Variants in NUDT4 observed in about 807,000 individuals in gnomAD.
The protein encoded by NUDT4 is nudix hydrolase 4.
In NUDT4, 5 loss-of-function variants were observed where a neutral mutation model predicts 23.1. The ratio of observed to expected loss-of-function variants is 0.22; its 90% CI spans 0.11 to 0.46. The LOEUF (loss-of-function observed/expected upper bound fraction) is 0.46. Among genes scored for constraint, NUDT4 ranks in the 20% least tolerant of loss-of-function variants. The probability of loss-of-function intolerance (pLI) is 0.99; values close to 1 mark genes in which losing one functional copy is unlikely to be tolerated. For missense variants in NUDT4, 96 were observed against 211.6 expected, an observed-to-expected ratio of 0.45 and a Z score of 3.39; for synonymous variants, 50 against 79.0, an observed-to-expected ratio of 0.63 and a Z score of 1.95.
rs543720617 is a variant in NUDT4 at position 93,378,424 on chromosome 12, AGGGCGCCCGGCGCCGCACGCTGCCCTCCG to A, written c.99+11_99+39del. The stretch of plus-strand genomic sequence containing the variant: ...TCCGGAGCGAGCAGGAGGACGAGGT[AGGGCGCCCGGCGCCGCACGCTGCCCTCCG>A]GGGCGCCGGGGTCTAGGGCCCGGGT... On this transcript the variant is annotated splice_donor_5th_base_variant and intron_variant, in intron 1 of 4. Transcript: ENST00000415493. The A allele has an allele frequency of 4.9e-5, 76 of 1,551,246 alleles. No homozygotes were observed. The South Asian group carries it at 8.5e-4, about 17-fold the overall frequency.
Position 93,394,942 on chromosome 12 carries a change from A to G in NUDT4, c.210+223A>G, listed in dbSNP as rs539100391. Among the ~76,000 whole-genome samples the G allele has an allele frequency of 5.9e-5, 9 of 151,998 alleles. No individual in the cohort carries two copies. The South Asian group carries it at 1.0e-3, about 18-fold the overall frequency. On this transcript the variant is annotated intron_variant, in intron 2 of 4. Coordinates refer to ENST00000415493, the MANE Select transcript of NUDT4 (RefSeq NM_019094.6). ...TGGCTCACTGCCACCTCCGCCTCCC[A>G]GGTTCAAGTGATTCTCCAGCTTCAG...
chr12:93,379,963 G>C (rs902954302), intron 1 of NUDT4, among the ~76,000 whole-genome samples: 1 of 152,180 alleles, frequency 6.6e-6, no homozygotes, highest in African/African-American at 2.4e-5. Flanking sequence ...TGTGCCAGGC[G>C]CTGCCAGAAG....
intron 1 of NUDT4, among the ~76,000 whole-genome samples, chr12:93,393,346 G>C (rs569977679): frequency 1.3e-5 from 2 of 151,354 alleles, no homozygotes; most frequent in South Asian, 4.2e-4. Flanking sequence ...TCAGGTGATC[G>C]CCCACCTCGG....
At chr12:93,382,273 AAAAAAAAACAAC>A (rs1256127730) in intron 1 of NUDT4, among the ~76,000 whole-genome samples, 3 of 151,796 alleles carry the variant, frequency 2.0e-5, no homozygotes, top group African/African-American at 7.3e-5. Context: ...GCAAAAAAAA[AAAAAAAAACAAC>A]AAAAAAAACC....
At chr12:93,390,800 T>G (rs893390930) in intron 1 of NUDT4, among the ~76,000 whole-genome samples, 2 of 152,126 alleles carry the variant, frequency 1.3e-5, no homozygotes, top group Non-Finnish European at 2.9e-5. Context: ...AGAGGGAGTT[T>G]TGCTGTGTTG....
In NUDT4 at chr12:93,377,930, C is replaced by G. The variant is rs1352793902; in HGVS notation, c.-393C>G. 3.2e-6 allele frequency: 1 copy of G among 313,232 alleles called. No homozygotes were observed. The highest frequency in any genetic ancestry group is 4.2e-5 in the Admixed American group (1 of 24,042). The allele number at this position is 313,232 out of a possible 1,614,324, so 19.4% of individuals were successfully genotyped here. A position where few individuals can be genotyped will look rare whatever the true frequency, so the allele number is the denominator to read the frequency against. ...GAGCAGAGGGGGCGGCGCGCGGTCG[C>G]CGCGGTGCTGCTGCTCAGTGGGAGC... On this transcript the variant is annotated 5_prime_UTR_variant, in exon 1 of 5. Transcript: ENST00000415493.
intron 3 of NUDT4, among the ~76,000 whole-genome samples, chr12:93,396,998 C>T (rs1258577558): frequency 6.6e-6 from 1 of 152,186 alleles, no homozygotes; most frequent in Admixed American, 6.5e-5. Flanking sequence ...ACAAATAACA[C>T]ATTTGTCAAT....
chr12:93,387,775 G>A (rs992549765), intron 1 of NUDT4, among the ~76,000 whole-genome samples: 7 of 152,112 alleles, frequency 4.6e-5, no homozygotes, highest in African/African-American at 1.2e-4. Flanking sequence ...TTGGCCTTAA[G>A]TTAAAAGACT....
chr12:93,395,278 G>A (rs188342766), intron 2 of NUDT4, among the ~76,000 whole-genome samples: 1 of 152,274 alleles, frequency 6.6e-6, no homozygotes, highest in Non-Finnish European at 1.5e-5. Context: ...GAGCCACAGC[G>A]CCCAGCCAGA....
chr12:93,379,644 T>TA (rs902923879), intron 1 of NUDT4, among the ~76,000 whole-genome samples: 7 of 152,206 alleles, frequency 4.6e-5, no homozygotes, highest in Non-Finnish European at 1.0e-4. Context: ...TCATAACCTT[T>TA]ACGTATTAGA....
In NUDT4 at chr12:93,406,104, T is replaced by TA. The variant is rs1219631476; in HGVS notation, c.*6730dup. ...CAACATGGTGAAACCCCGTCTCTAC[T>TA]AAAAATACAAAAAATTAGCCAGGTG... On this transcript the variant is annotated 3_prime_UTR_variant, in exon 5 of 5. Transcript: ENST00000415493. 1 of 151,702 alleles carries TA rather than the reference T, an allele frequency of 6.6e-6. No individual in the cohort carries two copies. Among genetic ancestry groups the TA allele is most frequent in the African/African-American group, 2.4e-5 (1 of 41,294 alleles). The allele number at this position is 151,702 out of a possible 1,614,324, so 9.4% of individuals were successfully genotyped here.
chr12:93,397,291 C>T (rs1276372669), intron 3 of NUDT4, among the ~76,000 whole-genome samples: 1 of 151,972 alleles, frequency 6.6e-6, no homozygotes, highest in Non-Finnish European at 1.5e-5. Flanking sequence ...TGTTAATTGA[C>T]AGTTGCCTCT....
chr12:93,385,426 T>C (rs906959311), intron 1 of NUDT4, among the ~76,000 whole-genome samples: 2 of 152,234 alleles, frequency 1.3e-5, no homozygotes, highest in Non-Finnish European at 2.9e-5. Context: ...GAAGGTTGAA[T>C]GCATCTTCCT....
At chr12:93,383,813 CAG>C (rs1468314927) in intron 1 of NUDT4, among the ~76,000 whole-genome samples, 3 of 152,214 alleles carry the variant, frequency 2.0e-5, no homozygotes, top group African/African-American at 7.2e-5. Context: ...GCCTGGGCGA[CAG>C]AGCGAGACAG....
chr12:93,407,545 G>A lies in NUDT4; in HGVS notation c.*8166G>A, dbSNP rs1190562351. 6.6e-6 allele frequency: 1 copy of A among 152,258 alleles called. No individual in the cohort carries two copies. The highest frequency in any genetic ancestry group is 1.5e-5 in the Non-Finnish European group (1 of 68,068). 9.4% of individuals were successfully genotyped at this position (152,258 alleles called of 1,614,324 possible). A position where few individuals can be genotyped will look rare whatever the true frequency, so the allele number is the denominator to read the frequency against. On this transcript the variant is annotated 3_prime_UTR_variant, in exon 5 of 5. Coordinates refer to ENST00000415493, the MANE Select transcript of NUDT4 (RefSeq NM_019094.6). Reference sequence around the variant, plus strand: ...GGAGAGTAACTGGTGAGAAGACAATGACATGCTCTTAGGGTGTCTGCTACT... The same window carrying A: ...GGAGAGTAACTGGTGAGAAGACAATAACATGCTCTTAGGGTGTCTGCTACT...
In NUDT4 at chr12:93,383,684, T is replaced by C. The variant is rs564367643; in HGVS notation, c.99+5263T>C. Among the ~76,000 whole-genome samples the C allele has an allele frequency of 1.5e-3, 234 of 152,076 alleles. 1 individual carries two copies. The highest frequency in any genetic ancestry group is 2.6e-3 in the Non-Finnish European group (180 of 67,990). On this transcript the variant is annotated intron_variant, in intron 1 of 4. Transcript: ENST00000415493. ...TCGTCTCTACTAAAAATACAATAAT[T>C]AGCCAGGCGTGGTGGTGTGTGCCTG...
intron 1 of NUDT4, among the ~76,000 whole-genome samples, chr12:93,390,640 T>C (rs949283525): frequency 5.3e-5 from 8 of 152,184 alleles, no homozygotes; most frequent in African/African-American, 1.9e-4. Flanking sequence ...AGTCTCATTC[T>C]GTCGCCCAGG....
chr12:93,395,435 T>C, intron 2 of NUDT4, 54 bp from the exon 3 acceptor site: 4 of 1,255,668 alleles, frequency 3.2e-6, no homozygotes, highest in South Asian at 1.2e-5. Context: ...CTTGTATTTA[T>C]ATACATTTTG....
In NUDT4 at chr12:93,378,307, G is replaced by A. The variant is rs746336334; in HGVS notation, c.-16G>A. On this transcript the variant is annotated 5_prime_UTR_variant, in exon 1 of 5. Coordinates refer to ENST00000415493, the MANE Select transcript of NUDT4 (RefSeq NM_019094.6). ...GGCGGCCGGAGCAGCAGCAGCAGCA[G>A]CAGGAGCCCGCCTCTATGATGAAGT... 4 of 1,228,140 alleles carry A rather than the reference G, an allele frequency of 3.3e-6. No individual in the cohort carries two copies. The highest frequency in any genetic ancestry group is 1.1e-6 in the Non-Finnish European group (1 of 913,010). 76.1% of individuals were successfully genotyped at this position (1,228,140 alleles called of 1,614,324 possible). A position where few individuals can be genotyped will look rare whatever the true frequency, so the allele number is the denominator to read the frequency against.
Sources: allele counts gnomAD v4.1 joint callset (sites outside exome capture counted in the v4.1 genomes callset), GRCh38; gene constraint gnomAD v4.1.1; transcripts MANE v1.5; gene names NCBI Gene and HGNC (gene_info 2026-07-23, HGNC 2026-07-21).